TSPAN18: variants seen among roughly 807,000 people sequenced by gnomAD.
TSPAN18 encodes the protein tetraspanin 18.
In TSPAN18, 14 loss-of-function variants were observed where a neutral mutation model predicts 27.3. The observed-to-expected ratio is 0.51, with a 90% CI of 0.34 to 0.80. The LOEUF is 0.80. TSPAN18 is among the 30% of genes least tolerant of loss of function. The probability of loss-of-function intolerance (pLI) is 0.01; values close to 1 mark genes in which losing one functional copy is unlikely to be tolerated. For missense variants in TSPAN18, 268 were observed against 323.9 expected (o/e 0.83, Z 1.32); for synonymous variants, 143 against 136.5 (o/e 1.05, Z -0.33).
chr11:44,829,914 A>G (rs1315724574), intron 2 of TSPAN18, among the ~76,000 whole-genome samples: 1 of 152,206 alleles, frequency 6.6e-6, no homozygotes, highest in Non-Finnish European at 1.5e-5. Flanking sequence ...ATTATTTCAT[A>G]GCCCAGACAT....
chr11:44,841,523 A>G (rs1857373988), intron 2 of TSPAN18, among the ~76,000 whole-genome samples: 1 of 152,194 alleles, frequency 6.6e-6, no homozygotes, highest in Non-Finnish European at 1.5e-5. Flanking sequence ...CTAAAAAAAA[A>G]AAAAGACTGC....
intron 3 of TSPAN18, among the ~76,000 whole-genome samples, chr11:44,884,395 T>TG (rs932841462): frequency 2.0e-5 from 3 of 152,158 alleles, no homozygotes; most frequent in African/African-American, 7.2e-5. Context: ...TGTTCCCATG[T>TG]GGTACAGGGG....
chr11:44,733,965 G>A (rs1012316040), intron 1 of TSPAN18, among the ~76,000 whole-genome samples: 9 of 152,282 alleles, frequency 5.9e-5, no homozygotes, highest in Admixed American at 2.6e-4. Flanking sequence ...TGGGGGTGGT[G>A]TTTGGGTCAT....
At chr11:44,808,384 A>G (rs1590507829) in intron 2 of TSPAN18, among the ~76,000 whole-genome samples, 1 of 152,204 alleles carries the variant, frequency 6.6e-6, no homozygotes, top group East Asian at 1.9e-4. Context: ...AGGGAGAGAC[A>G]GGAAATTGAC....
chr11:44,851,784 C>T (rs863159), intron 2 of TSPAN18, among the ~76,000 whole-genome samples: 1 of 151,842 alleles, frequency 6.6e-6, no homozygotes, highest in African/African-American at 2.4e-5. Context: ...TCATCTCCAA[C>T]ACCCATTGCA....
chr11:44,752,007 T>G (rs1057434744), intron 1 of TSPAN18, among the ~76,000 whole-genome samples: 3 of 152,136 alleles, frequency 2.0e-5, no homozygotes, highest in Non-Finnish European at 4.4e-5. Context: ...GTTTTTTCCC[T>G]GTGTGTTGTG....
chr11:44,789,197 C>T lies in TSPAN18; in HGVS notation c.-153+24685C>T, dbSNP rs953425418. Among the ~76,000 whole-genome samples the T allele has an allele frequency of 9.9e-5, 15 of 152,256 alleles. No homozygotes were observed. In the East Asian group the frequency reaches 1.2e-3, roughly 12 times the overall value. On this transcript the variant is annotated intron_variant, in intron 2 of 9. Coordinates refer to ENST00000520358, the MANE Select transcript of TSPAN18 (RefSeq NM_130783.5). ...TCACAGCTTACCAGTGTTTGCGTGA[C>T]GCAGAGCCGTGATCATCAGAGAAGC...
intron 2 of TSPAN18, among the ~76,000 whole-genome samples, chr11:44,824,452 A>G (rs1856992738): frequency 6.6e-6 from 1 of 152,240 alleles, no homozygotes; most frequent in Non-Finnish European, 1.5e-5. Flanking sequence ...GGGGAGGGTC[A>G]CTGGGAAAGT....
Position 44,919,957 on chromosome 11 carries a change from G to A in TSPAN18, c.573G>A (p.Arg191=). ...PQSRDGVLLS[R]EECLLGRSLF... ...GTCGGGACGGGGTCCTGCTGAGCCG[G>A]GAGGAGTGCCTCCTGGGAAGGAGCC... is the stretch of plus-strand genomic sequence containing the variant. The change falls in exon 8 of 10, where the codon CGG becomes CGA. Residue 191 remains arginine (R), a synonymous_variant. Transcript: ENST00000520358. 2 of 1,614,144 alleles carry A rather than the reference G, an allele frequency of 1.2e-6. No homozygotes were observed. The highest frequency in any genetic ancestry group is 1.7e-6 in the Non-Finnish European group (2 of 1,180,016).
intron 3 of TSPAN18, among the ~76,000 whole-genome samples, chr11:44,867,956 G>T (rs1161461994): frequency 5.3e-5 from 8 of 152,220 alleles, no homozygotes; most frequent in Non-Finnish European, 7.3e-5. Context: ...TTATGCAGAG[G>T]AGGAGGACAG....
intron 2 of TSPAN18, among the ~76,000 whole-genome samples, chr11:44,843,558 C>A (rs1857419167): frequency 6.6e-6 from 1 of 152,090 alleles, no homozygotes; most frequent in Non-Finnish European, 1.5e-5. Context: ...CCGGTCTGAC[C>A]AAAATTTATT....
intron 2 of TSPAN18, among the ~76,000 whole-genome samples, chr11:44,853,970 A>T (rs1222667593): frequency 6.6e-6 from 1 of 152,222 alleles, no homozygotes; most frequent in Non-Finnish European, 1.5e-5. Context: ...TCCTTTGGCA[A>T]GGCCGGGTAA....
At chr11:44,775,171 TC>T (rs1183783395) in intron 2 of TSPAN18, among the ~76,000 whole-genome samples, 1 of 152,208 alleles carries the variant, frequency 6.6e-6, no homozygotes, top group Non-Finnish European at 1.5e-5. Context: ...AATCTGGACT[TC>T]CTATAGACAA....
At position 44,929,310 on chromosome 11, in the gene TSPAN18, G is replaced by C; in HGVS notation, c.*132G>C. On this transcript the variant is annotated 3_prime_UTR_variant, in exon 10 of 10. Transcript: ENST00000520358. ...AGGCCATCAGAGATGGCCAGGAGAA[G>C]GGCCAGGGGAATAGAGCTATTTTTT... 1 of 1,096,506 alleles carries C rather than the reference G, an allele frequency of 9.1e-7. No homozygotes were observed. Among genetic ancestry groups the C allele is most frequent in the South Asian group, 1.3e-5 (1 of 74,930 alleles). The allele number at this position is 1,096,506 out of a possible 1,614,324, so 67.9% of individuals were successfully genotyped here. A position where few individuals can be genotyped will look rare whatever the true frequency, so the allele number is the denominator to read the frequency against.
At chr11:44,769,960 G>A (rs574585543) in intron 2 of TSPAN18, among the ~76,000 whole-genome samples, 3 of 152,304 alleles carry the variant, frequency 2.0e-5, no homozygotes, top group Non-Finnish European at 4.4e-5. Flanking sequence ...GGTAAATCTC[G>A]TTGATTCTGC....
chr11:44,899,968 A>G (rs1859197695), intron 3 of TSPAN18, among the ~76,000 whole-genome samples: 1 of 152,230 alleles, frequency 6.6e-6, no homozygotes, highest in African/African-American at 2.4e-5. Flanking sequence ...TTTTTGAGCA[A>G]TAACAAAGCT....
intron 5 of TSPAN18, among the ~76,000 whole-genome samples, chr11:44,916,356 G>A (rs531389353): frequency 2.0e-5 from 3 of 152,248 alleles, no homozygotes; most frequent in Non-Finnish European, 2.9e-5. Flanking sequence ...GGAGAGAGAC[G>A]CCTGAAGGTA....
chr11:44,762,130 C>G (rs557616071), intron 1 of TSPAN18, among the ~76,000 whole-genome samples: 13 of 152,336 alleles, frequency 8.5e-5, no homozygotes, highest in South Asian at 6.2e-4. Flanking sequence ...TTCTAAACTT[C>G]TGGGCTTTGG....
chr11:44,839,653 T>G (rs1400759574), intron 2 of TSPAN18, among the ~76,000 whole-genome samples: 1 of 152,084 alleles, frequency 6.6e-6, no homozygotes, highest in Non-Finnish European at 1.5e-5. Flanking sequence ...CTGCCTTCTC[T>G]CTGCCCCTCT....
Sources: allele counts gnomAD v4.1 joint callset (sites outside exome capture counted in the v4.1 genomes callset), GRCh38; gene constraint gnomAD v4.1.1; transcripts MANE v1.5; gene names NCBI Gene and HGNC (gene_info 2026-07-23, HGNC 2026-07-21).